The following KMT5B variants were observed in gnomAD, a reference collection of about 807,000 sequenced individuals.
KMT5B encodes histone-lysine N-methyltransferase KMT5B.
KMT5B carries 10 observed loss-of-function variants against 83.2 expected under a neutral mutation model. That is an observed-to-expected ratio of 0.12 (90% CI 0.07 to 0.20). The LOEUF (loss-of-function observed/expected upper bound fraction) is 0.20. Ranked by LOEUF, KMT5B falls within the 10% of genes least tolerant of loss-of-function variation. The pLI is 1.00. For missense variants in KMT5B, 753 were observed against 1,067.2 expected, an observed-to-expected ratio of 0.71 and a Z score of 4.10; for synonymous variants, 349 against 388.8, an observed-to-expected ratio of 0.90 and a Z score of 1.20.
chr11:68,159,329 T>C (rs1305921221), intron 10 of KMT5B, among the ~76,000 whole-genome samples, 158 bp from the exon 11 acceptor site: 1 of 152,202 alleles, frequency 6.6e-6, no homozygotes, highest in Non-Finnish European at 1.5e-5. Flanking sequence ...CTGCATTCCC[T>C]ACACTGCTTC....
intron 2 of KMT5B, among the ~76,000 whole-genome samples, chr11:68,188,473 A>G (rs921358549): frequency 3.3e-5 from 5 of 152,012 alleles, no homozygotes; most frequent in African/African-American, 1.2e-4. Flanking sequence ...AGCCTCTCAA[A>G]GTAGTTGGAA....
At chr11:68,167,786 C>T (rs921703753) in intron 9 of KMT5B, among the ~76,000 whole-genome samples, 1 of 152,112 alleles carries the variant, frequency 6.6e-6, no homozygotes, top group Non-Finnish European at 1.5e-5. Flanking sequence ...GATTACTTTG[C>T]CAAAGGGATA....
At chr11:68,183,607 C>A (rs111471910) in intron 3 of KMT5B, among the ~76,000 whole-genome samples, 1 of 147,074 alleles carries the variant, frequency 6.8e-6, no homozygotes, top group African/African-American at 2.5e-5. Context: ...GATCCACCCA[C>A]CTCGGCCTCC....
intron 5 of KMT5B, 49 bp downstream of exon 5, chr11:68,174,969 C>G (rs1364786252): frequency 6.5e-7 from 1 of 1,529,326 alleles, no homozygotes; most frequent in Non-Finnish European, 9.0e-7. Context: ...TAATTTACTT[C>G]ACTATTCTTA....
intron 3 of KMT5B, among the ~76,000 whole-genome samples, chr11:68,182,175 C>A (rs958784761): frequency 2.6e-5 from 4 of 152,134 alleles, no homozygotes; most frequent in Non-Finnish European, 4.4e-5. Flanking sequence ...GTGTGGTAAT[C>A]CTGAAGTTTA....
At chr11:68,165,725 A>AT (rs1392100052) in intron 10 of KMT5B, 2 of 1,407,038 alleles carry the variant, frequency 1.4e-6, no homozygotes, top group African/African-American at 2.9e-5. Context: ...AATGGTCGTT[A>AT]TGCTGCATTT....
chr11:68,166,782 AG>A, intron 10 of KMT5B, 199 bp downstream of exon 10: 3 of 1,407,602 alleles, frequency 2.1e-6, no homozygotes, highest in Non-Finnish European at 2.8e-6. Flanking sequence ...AATAGTCTAG[AG>A]GACGGTACTG....
intron 1 of KMT5B, among the ~76,000 whole-genome samples, chr11:68,191,987 G>A (rs1273609926): frequency 6.6e-6 from 1 of 152,112 alleles, no homozygotes; most frequent in Non-Finnish European, 1.5e-5. Context: ...GTTTATATAT[G>A]TTTAGATAAC....
chr11:68,182,507 G>T (rs1386155049), intron 3 of KMT5B, among the ~76,000 whole-genome samples: 1 of 152,148 alleles, frequency 6.6e-6, no homozygotes, highest in East Asian at 1.9e-4. Flanking sequence ...GGCCCAGGCT[G>T]GAGTGCAGTG....
chr11:68,213,476 C>T (rs920282289), upstream of KMT5B: 1 of 149,328 alleles, frequency 6.7e-6, no homozygotes, highest in African/African-American at 2.4e-5. Context: ...CGGGGCCTCA[C>T]CTCGCCTCGC....
In KMT5B at chr11:68,171,204, A is replaced by C; in HGVS notation, c.840+28T>G. 6.2e-7 allele frequency: 1 copy of C among 1,602,820 alleles called. No homozygotes were observed. Reference sequence around the variant, plus strand: ...CTCACACCTGAAGCAAAAACAAAATACTTGAAGAAAATTTTTTTAATGCTT... The same window carrying C: ...CTCACACCTGAAGCAAAAACAAAATCCTTGAAGAAAATTTTTTTAATGCTT... On this transcript the variant is annotated intron_variant, in intron 8 of 10. Coordinates refer to ENST00000304363, the MANE Select transcript of KMT5B (RefSeq NM_017635.5). The surrounding 1 kb of genome is among the most constrained non-coding windows in gnomAD (Gnocchi z 5.1).
chr11:68,194,853 T>C (rs1177437902), intron 1 of KMT5B, among the ~76,000 whole-genome samples: 1 of 152,216 alleles, frequency 6.6e-6, no homozygotes, highest in East Asian at 1.9e-4. Flanking sequence ...ATTAGGTTTT[T>C]TGTTGTATCC....
chr11:68,183,746 G>C (rs1046040912), intron 3 of KMT5B, among the ~76,000 whole-genome samples: 4 of 150,106 alleles, frequency 2.7e-5, no homozygotes, highest in Non-Finnish European at 5.9e-5. Context: ...TGCAACCTCT[G>C]TCTCCCGGGT....
intron 6 of KMT5B, among the ~76,000 whole-genome samples, chr11:68,172,962 A>C (rs1441585233): frequency 2.6e-5 from 4 of 152,230 alleles, no homozygotes; most frequent in Non-Finnish European, 4.4e-5. Context: ...GAGATAACAT[A>C]GGGAACAGGC....
chr11:68,166,550 G>A, intron 10 of KMT5B: 1 of 1,010,102 alleles, frequency 9.9e-7, no homozygotes, highest in Non-Finnish European at 1.2e-6. Flanking sequence ...GAAGCCTTAA[G>A]GCCAGAAGCT....
At chr11:68,170,433 C>T (rs949343351) in intron 9 of KMT5B, among the ~76,000 whole-genome samples, 4 of 152,116 alleles carry the variant, frequency 2.6e-5, no homozygotes, top group African/African-American at 9.7e-5. Flanking sequence ...GAGCCTGTGA[C>T]GCTCCCTTCA....
chr11:68,212,334 A>ATT (rs1861018465), intron 1 of KMT5B, among the ~76,000 whole-genome samples: 2 of 152,216 alleles, frequency 1.3e-5, no homozygotes, highest in South Asian at 4.1e-4. Context: ...CTCCAGGTAA[A>ATT]TTTCATTTGG....
At chr11:68,212,601 AG>A in intron 1 of KMT5B, 1 of 153,084 alleles carries the variant, frequency 6.5e-6, no homozygotes, top group Non-Finnish European at 1.5e-5. Context: ...GACACACACC[AG>A]GGGACGCAGG....
At chr11:68,197,900 A>G (rs549211996) in intron 1 of KMT5B, among the ~76,000 whole-genome samples, 1 of 152,342 alleles carries the variant, frequency 6.6e-6, no homozygotes, top group East Asian at 1.9e-4. Flanking sequence ...TAATGAAGCT[A>G]TCAATAATTT....
Sources: allele counts gnomAD v4.1 joint callset (sites outside exome capture counted in the v4.1 genomes callset), GRCh38; gene constraint gnomAD v4.1.1; non-coding constraint Gnocchi (gnomAD v3.1); transcripts MANE v1.5; gene names NCBI Gene and HGNC (gene_info 2026-07-23, HGNC 2026-07-21).